The following PTPRS variants were observed in gnomAD, a reference collection of about 807,000 sequenced individuals.
PTPRS encodes the protein receptor-type tyrosine-protein phosphatase S.
In PTPRS, 63 loss-of-function variants were observed where a neutral mutation model predicts 215.3. That is an observed-to-expected ratio of 0.29 (90% confidence interval 0.24 to 0.36). PTPRS has a LOEUF of 0.36. Ranked by LOEUF, PTPRS falls within the 10% of genes least tolerant of loss-of-function variation. PTPRS has a pLI of 1.00. For missense variants in PTPRS, 2,258 were observed against 2,825.8 expected (o/e 0.80, Z 4.56); for synonymous variants, 1,404 against 1,191.4 (o/e 1.18, Z -3.68).
Position 5,212,408 on chromosome 19 carries a change from G to A in PTPRS, c.4698C>T (p.Pro1566=). 1.9e-6 allele frequency: 3 copies of A among 1,606,108 alleles called. No individual in the cohort carries two copies. Among genetic ancestry groups the A allele is most frequent in the Non-Finnish European group, 2.6e-6 (3 of 1,176,238 alleles). The stretch of plus-strand genomic sequence containing the variant: ...TGACTCTCCGCAGGAAAGCCAGGAA[G>A]GGCGTTGGGTATTCGGGCACGCCAT... The part of the protein sequence containing the change: ...PDHGVPEYPT[P]FLAFLRRVKT... Residue 1566 remains proline (P), a synonymous_variant, in exon 31 of 38, where the codon CCC becomes CCT. Coordinates refer to ENST00000262963, the MANE Select transcript of PTPRS (RefSeq NM_002850.4).
chr19:5,215,454 T>C lies in PTPRS; in HGVS notation c.4195-42A>G, dbSNP rs1334434654. 3.7e-6 allele frequency: 6 copies of C among 1,601,006 alleles called. 1 individual carries two copies. In the Admixed American group the frequency reaches 8.4e-5, roughly 22 times the overall value. On this transcript the variant is annotated intron_variant, in intron 27 of 37. Transcript: ENST00000262963. ...GAGCGCGGGTGTCAGGGTAGGTGCC[T>C]GTGAGGCCGAGGTGATGAGGGTGGG...
intron 1 of PTPRS, among the ~76,000 whole-genome samples, chr19:5,316,448 G>A (rs1300282097): frequency 1.3e-5 from 2 of 151,874 alleles, no homozygotes; most frequent in African/African-American, 4.8e-5. Context: ...GCTGGAGTGT[G>A]GTGCTGTGAT....
In PTPRS at chr19:5,339,742, T is replaced by C. The variant is rs2050625037; in HGVS notation, c.-95+922A>G. Among the ~76,000 whole-genome samples, 1 of 151,308 alleles carries C rather than the reference T, an allele frequency of 6.6e-6. No individual in the cohort carries two copies. Among genetic ancestry groups the C allele is most frequent in the South Asian group, 2.1e-4 (1 of 4,800 alleles). On this transcript the variant is annotated intron_variant, in intron 1 of 37. Transcript: ENST00000262963. This position sits in a 1 kb window ranked among gnomAD's most constrained non-coding sequence, Gnocchi z 4.2. ...CCAGTGCCGACGGCCCCGCCCCCGG[T>C]ATGACGTCACCTCCCCTCCCCCCGC...
At chr19:5,241,996 C>G (rs1369525519) in intron 11 of PTPRS, among the ~76,000 whole-genome samples, 1 of 152,006 alleles carries the variant, frequency 6.6e-6, no homozygotes, top group Non-Finnish European at 1.5e-5. Context: ...CTATCATGCC[C>G]GGCTAATTTT....
At position 5,240,258 on chromosome 19, in the gene PTPRS, G is replaced by A. The variant is rs758563821; in HGVS notation, c.1645C>T (p.Arg549Trp). 4 of 1,588,588 alleles carry A rather than the reference G, an allele frequency of 2.5e-6. No individual in the cohort carries two copies. The highest frequency in any genetic ancestry group is 3.4e-6 in the Non-Finnish European group (4 of 1,168,898). Residue 549 changes from arginine (R) to tryptophan (W), a missense_variant, in exon 12 of 38, where the codon CGG (arginine) becomes TGG (tryptophan). Arg to Trp is a moderately radical substitution (Grantham distance 101, BLOSUM62 -3). Transcript: ENST00000262963. ...TSITLSWSPP[R>W]QESIIKYELL... ...TCGTACTTGATGATACTCTCCTGCC[G>A]CGGGGGGCTCCAGGACAGCGTGATG...
intron 13 of PTPRS, among the ~76,000 whole-genome samples, chr19:5,236,866 CAA>C (rs889932132): frequency 8.1e-5 from 9 of 111,010 alleles, no homozygotes; most frequent in African/African-American, 3.6e-4. Context: ...AAAAAAAAAA[CAA>C]CAATCAAGGA....
intron 25 of PTPRS, among the ~76,000 whole-genome samples, chr19:5,217,541 C>A (rs200058608): frequency 1.3e-5 from 2 of 149,852 alleles, no homozygotes; most frequent in Non-Finnish European, 1.5e-5. Flanking sequence ...AGTCCAGAGA[C>A]AAAAAAAAAG....
Position 5,269,991 on chromosome 19 carries a change from C to T in PTPRS, c.379+3451G>A, listed in dbSNP as rs367941376. On this transcript the variant is annotated intron_variant, in intron 4 of 37. Transcript: ENST00000262963. ...ATTTTTTTCCCAGACTCCGGGGGAC[C>T]GGGCAGTTGATGGCTTCACAGCTTG... is the stretch of plus-strand genomic sequence containing the variant. Among the ~76,000 whole-genome samples the T allele has an allele frequency of 9.9e-5, 15 of 151,072 alleles. 1 individual carries two copies. Among genetic ancestry groups the T allele is most frequent in the East Asian group, 3.9e-4 (2 of 5,122 alleles).
At chr19:5,317,780 C>T (rs372546888) in intron 1 of PTPRS, among the ~76,000 whole-genome samples, 6 of 152,176 alleles carry the variant, frequency 3.9e-5, no homozygotes, top group African/African-American at 9.7e-5. Flanking sequence ...TGGTTCATGC[C>T]TGTAATCCCA....
At chr19:5,302,791 C>T (rs1393465689) in intron 1 of PTPRS, among the ~76,000 whole-genome samples, 1 of 151,898 alleles carries the variant, frequency 6.6e-6, no homozygotes, top group African/African-American at 2.4e-5. Flanking sequence ...GGCGTGGTGG[C>T]TCACGCCTGT....
At chr19:5,333,905 T>G (rs1187656390) in intron 1 of PTPRS, among the ~76,000 whole-genome samples, 1 of 152,220 alleles carries the variant, frequency 6.6e-6, no homozygotes, top group Non-Finnish European at 1.5e-5. Context: ...ACACCATGCT[T>G]GTCAACCGAT....
intron 35 of PTPRS, among the ~76,000 whole-genome samples, chr19:5,208,962 A>G (rs981454153): frequency 6.6e-6 from 1 of 152,126 alleles, no homozygotes; most frequent in Non-Finnish European, 1.5e-5. Context: ...TAGCTCATCA[A>G]TGATGACTCA....
Position 5,215,488 on chromosome 19 carries a change from G to C in PTPRS, c.4194+10C>G. The C allele has an allele frequency of 1.9e-6, 3 of 1,607,136 alleles. No individual in the cohort carries two copies. Among genetic ancestry groups the C allele is most frequent in the South Asian group, 1.1e-5 (1 of 90,874 alleles). ...GAGGTGATGAGGGTGGGAGGCGGGG[G>C]TGGGCTCACCTCATACTCCTGGGAG... On this transcript the variant is annotated intron_variant, in intron 27 of 37. Transcript: ENST00000262963.
At chr19:5,226,035 C>G (rs967095489) in intron 16 of PTPRS, among the ~76,000 whole-genome samples, 191 bp from the exon 17 acceptor site, 2 of 152,150 alleles carry the variant, frequency 1.3e-5, no homozygotes, top group Non-Finnish European at 2.9e-5. Context: ...AACAACCCAG[C>G]CGGACGAGCC....
chr19:5,252,612 G>C (rs984359008), intron 9 of PTPRS, among the ~76,000 whole-genome samples: 7 of 147,312 alleles, frequency 4.8e-5, no homozygotes, highest in African/African-American at 1.7e-4. Context: ...GAGTGTGGTG[G>C]CTCACACCTG....
At position 5,210,724 on chromosome 19, in the gene PTPRS, A is replaced by T; in HGVS notation, c.5316T>A (p.Asn1772Lys). 6.2e-7 allele frequency: 1 copy of T among 1,614,190 alleles called. No individual in the cohort carries two copies. Among genetic ancestry groups the T allele is most frequent in the South Asian group, 1.1e-5 (1 of 91,090 alleles). Residue 1772 changes from asparagine (N) to lysine (K), a missense_variant, in exon 34 of 38, where the codon AAT becomes AAA. Around this residue, in one of 6 missense-constraint regions of PTPRS, gnomAD observed 927 missense variants for 1,125.9 expected, o/e 0.82. Coordinates refer to ENST00000262963, the MANE Select transcript of PTPRS (RefSeq NM_002850.4). This position sits in a 1 kb window ranked among gnomAD's most constrained non-coding sequence, Gnocchi z 4.5. ...TGGTCAGCATCACCACGATCGTCGA[A>T]TTGTTCTCCCACAGCATGCGCCAGA... ...EDFWRMLWENNSTIVVMLTKL... is the reference protein window; with the variant it reads ...EDFWRMLWENKSTIVVMLTKL...
At chr19:5,220,461 C>A in intron 20 of PTPRS, 108 bp from the exon 21 acceptor site, 1 of 934,328 alleles carries the variant, frequency 1.1e-6, no homozygotes, top group Non-Finnish European at 1.7e-6. Flanking sequence ...CCCTTCTGTT[C>A]ATACAATGAG....
rs115091700 is a variant in PTPRS, at chr19:5,239,472, C to G, written c.1705-409G>C. Among the ~76,000 whole-genome samples, 654 of 150,274 alleles carry G rather than the reference C, an allele frequency of 4.4e-3. 4 individuals are homozygous for G. The highest frequency in any genetic ancestry group is 0.015 in the African/African-American group (622 of 40,812). On this transcript the variant is annotated intron_variant, in intron 12 of 37. Coordinates refer to ENST00000262963, the MANE Select transcript of PTPRS (RefSeq NM_002850.4). Reference sequence around the variant, plus strand: ...CAGAGATAAATGGGAGAGACAGAGACAGAGAGAGATACAGAGACAGACAGA... The same window carrying G: ...CAGAGATAAATGGGAGAGACAGAGAGAGAGAGAGATACAGAGACAGACAGA...
In PTPRS at chr19:5,215,598, A is replaced by G. The variant is rs2041352923; in HGVS notation, c.4097-3T>C. 1.3e-6 allele frequency: 2 copies of G among 1,592,976 alleles called. No individual in the cohort carries two copies. The highest frequency in any genetic ancestry group is 2.7e-5 in the African/African-American group (2 of 74,378). ...AATTGGCGGGTGGCTAAGCATGCCTACAGGGTGGAGCAGACCCCGCCGGGG... is the reference window on the plus strand; with the variant it reads ...AATTGGCGGGTGGCTAAGCATGCCTGCAGGGTGGAGCAGACCCCGCCGGGG... On this transcript the variant is annotated splice_region_variant and splice_polypyrimidine_tract_variant and intron_variant, in intron 26 of 37. Coordinates refer to ENST00000262963, the MANE Select transcript of PTPRS (RefSeq NM_002850.4).
Sources: gnomAD v4.1 joint callset for allele counts (sites outside exome capture counted in the v4.1 genomes callset) on GRCh38, gnomAD v4.1.1 for gene constraint, gnomAD v4.1.1 regional missense constraint, Gnocchi (gnomAD v3.1) non-coding constraint, MANE v1.5 for transcripts, NCBI Gene and HGNC (gene_info 2026-07-23, HGNC 2026-07-21) for gene names.